PTPDC1: variants seen among roughly 807,000 people sequenced by gnomAD.
PTPDC1 encodes protein tyrosine phosphatase domain-containing protein 1.
PTPDC1 carries 53 observed loss-of-function variants against 75.3 expected under a neutral mutation model. The observed-to-expected ratio is 0.70, with a 90% confidence interval of 0.56 to 0.88. The LOEUF is 0.88. PTPDC1 is among the 40% of genes least tolerant of loss of function. The pLI is 0.00. For synonymous variants in PTPDC1, 349 were observed against 366.2 expected, an observed-to-expected ratio of 0.95 and a Z score of 0.54; for missense variants, 925 against 998.6, an observed-to-expected ratio of 0.93 and a Z score of 0.99.
At chr9:94,094,746 C>T (rs76336619) in intron 4 of PTPDC1, among the ~76,000 whole-genome samples, 1 of 152,226 alleles carries the variant, frequency 6.6e-6, no homozygotes, top group African/African-American at 2.4e-5. Flanking sequence ...GGGCGTAGGA[C>T]CCTCCGAGCC....
chr9:94,051,977 A>G (rs1825805015), intron 1 of PTPDC1, among the ~76,000 whole-genome samples: 1 of 152,058 alleles, frequency 6.6e-6, no homozygotes, highest in Admixed American at 6.5e-5. Context: ...TTCTTTTCTA[A>G]AATATGCTTT....
intron 1 of PTPDC1, among the ~76,000 whole-genome samples, chr9:94,041,746 T>G (rs867275923): frequency 1.3e-5 from 2 of 152,332 alleles, no homozygotes; most frequent in Middle Eastern, 3.4e-3. Context: ...CCTACTTTTC[T>G]GGCAATACAT....
At chr9:94,049,352 C>T (rs55845778) in intron 1 of PTPDC1, among the ~76,000 whole-genome samples, 1,645 of 152,218 alleles carry the variant, frequency 0.011, 15 homozygotes, top group Non-Finnish European at 0.016. Flanking sequence ...CAGCTGGTAC[C>T]GGTTGTTCCT....
At chr9:94,045,216 G>C (rs950720680) in intron 1 of PTPDC1, among the ~76,000 whole-genome samples, 3 of 151,922 alleles carry the variant, frequency 2.0e-5, no homozygotes, top group South Asian at 2.1e-4. Context: ...CTGTATATGT[G>C]TCACATTTTC....
At chr9:94,064,167 C>G (rs1476928493) in intron 1 of PTPDC1, among the ~76,000 whole-genome samples, 1 of 152,110 alleles carries the variant, frequency 6.6e-6, no homozygotes, top group Non-Finnish European at 1.5e-5. Flanking sequence ...TTGAGATCAT[C>G]TTTATTAGAA....
chr9:94,065,293 C>T (rs1257489600), intron 2 of PTPDC1, among the ~76,000 whole-genome samples: 1 of 152,240 alleles, frequency 6.6e-6, no homozygotes, highest in Non-Finnish European at 1.5e-5. Flanking sequence ...CTTTACTCGT[C>T]CTGACCATCA....
intron 2 of PTPDC1, among the ~76,000 whole-genome samples, chr9:94,066,546 T>TA (rs1166454764): frequency 1.3e-5 from 2 of 151,846 alleles, no homozygotes; most frequent in Non-Finnish European, 2.9e-5. Flanking sequence ...TTCTACTACT[T>TA]AAAAAAAATT....
At chr9:94,095,865 C>T (rs1168287802) in intron 5 of PTPDC1, among the ~76,000 whole-genome samples, 1 of 151,772 alleles carries the variant, frequency 6.6e-6, no homozygotes, top group Non-Finnish European at 1.5e-5. Flanking sequence ...TTACAATGAC[C>T]GTATATATAT....
At chr9:94,079,266 A>G (rs1473528753) in intron 2 of PTPDC1, among the ~76,000 whole-genome samples, 6 of 150,386 alleles carry the variant, frequency 4.0e-5, no homozygotes, top group African/African-American at 1.2e-4. Context: ...GGTCAAGCAA[A>G]CGCAGTCACC....
intron 2 of PTPDC1, among the ~76,000 whole-genome samples, chr9:94,076,135 G>A (rs900608402): frequency 1.3e-5 from 2 of 152,126 alleles, no homozygotes; most frequent in African/African-American, 4.8e-5. Context: ...CAAGTAGCTG[G>A]GATTACAAGC....
At chr9:94,038,323 C>CA (rs1325231217) in intron 1 of PTPDC1, 8 of 647,866 alleles carry the variant, frequency 1.2e-5, no homozygotes, top group African/African-American at 1.8e-5. Context: ...TAGCTTATCT[C>CA]AAAAAAAGCT....
chr9:94,076,613 C>T (rs1466050134), intron 2 of PTPDC1, among the ~76,000 whole-genome samples: 1 of 152,052 alleles, frequency 6.6e-6, no homozygotes, highest in Admixed American at 6.5e-5. Flanking sequence ...CATTTGGACT[C>T]TTTTCACTTT....
Position 94,047,913 on chromosome 9 carries a change from G to A in PTPDC1, c.-7+16786G>A, listed in dbSNP as rs545239581. ...TAGACCAATTACAGGCTCTGAAATT[G>A]AGGCAATAATCAATAGCTTACCAAC... On this transcript the variant is annotated intron_variant, in intron 1 of 9. Coordinates refer to the PTPDC1 transcript ENST00000375360. Among the ~76,000 whole-genome samples, 7 of 152,306 alleles carry A rather than the reference G, an allele frequency of 4.6e-5. No homozygotes were observed. The South Asian group carries it at 1.2e-3, about 27-fold the overall frequency.
intron 1 of PTPDC1, among the ~76,000 whole-genome samples, chr9:94,051,216 G>T (rs1587848453): frequency 6.6e-6 from 1 of 152,126 alleles, no homozygotes; most frequent in Non-Finnish European, 1.5e-5. Flanking sequence ...TGCACCCACT[G>T]TCCTGCACCC....
In PTPDC1 at chr9:94,101,373, C is replaced by A. The variant is rs1827834698; in HGVS notation, c.2014-193C>A. ...TTTCATAGAGAGAAACTGGGGCTTA[C>A]AGAATTCAGTGTCTTAGTCCAGTGT... On this transcript the variant is annotated intron_variant, in intron 6 of 8. Transcript: ENST00000620992. 1.1e-5 allele frequency: 5 copies of A among 446,726 alleles called. No homozygotes were observed. The East Asian group carries it at 1.7e-4, about 15-fold the overall frequency. The allele number at this position is 446,726 out of a possible 1,614,324, so 27.7% of individuals were successfully genotyped here.
rs558252899 is a variant in PTPDC1 at position 94,047,403 on chromosome 9, G to A, written c.-7+16276G>A. 1.2e-4 allele frequency among the ~76,000 whole-genome samples: 18 copies of A among 152,250 alleles called. No individual in the cohort carries two copies. The South Asian group carries it at 3.5e-3, about 30-fold the overall frequency. On this transcript the variant is annotated intron_variant, in intron 1 of 9. Transcript: ENST00000375360. ...AGACACAACATACCAGAATCTCTGG[G>A]ACACATTCAAAGCAGTGTGTAGAGG... is the stretch of plus-strand genomic sequence containing the variant.
In PTPDC1 at chr9:94,067,389, CAAA is replaced by C. The variant is rs1157733841; in HGVS notation, c.82+2578_82+2580del. Among the ~76,000 whole-genome samples, 144 of 143,216 alleles carry C rather than the reference CAAA, an allele frequency of 1.0e-3. 1 individual carries two copies. The highest frequency in any genetic ancestry group is 2.9e-3 in the African/African-American group (112 of 39,182). The allele number at this position is 143,216 out of a possible 152,430, so 94.0% of individuals were successfully genotyped here. A position where few individuals can be genotyped will look rare whatever the true frequency, so the allele number is the denominator to read the frequency against. On this transcript the variant is annotated intron_variant, in intron 2 of 9. Coordinates refer to the PTPDC1 transcript ENST00000375360. ...TGGGTGACAGAGTGAGACTCCATCTCAAAAAAAAAAAATAATAATAATAATAAT... is the reference window on the plus strand; with the variant it reads ...TGGGTGACAGAGTGAGACTCCATCTCAAAAAAAAATAATAATAATAATAAT...
In PTPDC1 at chr9:94,035,571, C is replaced by T. The variant is rs377026116; in HGVS notation, c.-7+4444C>T. Reference sequence around the variant, plus strand: ...GTATATATGCCACATTTTCTTTATCCATTCATCTGTTGATAGACACTTAGT... The same window carrying T: ...GTATATATGCCACATTTTCTTTATCTATTCATCTGTTGATAGACACTTAGT... On this transcript the variant is annotated intron_variant, in intron 1 of 9. Coordinates refer to the PTPDC1 transcript ENST00000375360. 1.6e-4 allele frequency among the ~76,000 whole-genome samples: 24 copies of T among 152,272 alleles called. No individual in the cohort carries two copies. In the South Asian group the frequency reaches 4.8e-3, roughly 30 times the overall value.
At chr9:94,086,133 T>A (rs144304511) in intron 2 of PTPDC1, among the ~76,000 whole-genome samples, 155 of 152,342 alleles carry the variant, frequency 1.0e-3, no homozygotes, top group African/African-American at 3.6e-3. Context: ...TTCAATTAGA[T>A]ATTTGTCAAC....
Sources: allele counts gnomAD v4.1 joint callset (sites outside exome capture counted in the v4.1 genomes callset), GRCh38; gene constraint gnomAD v4.1.1; transcripts MANE v1.5; gene names NCBI Gene and HGNC (gene_info 2026-07-23, HGNC 2026-07-21).